The following SOX5 variants were observed in gnomAD, a reference collection of about 807,000 sequenced individuals.
SOX5 encodes SRY-box transcription factor 5, also known as transcription factor SOX-5.
SOX5 carries 9 observed loss-of-function variants against 92.0 expected under a neutral mutation model. That is an observed-to-expected ratio of 0.10 (90% CI 0.06 to 0.17). The LOEUF is 0.17. Ranked by LOEUF, SOX5 falls within the 10% of genes least tolerant of loss-of-function variation. The probability of loss-of-function intolerance (pLI) is 1.00; values close to 1 mark genes in which losing one functional copy is unlikely to be tolerated. For missense variants in SOX5, 642 were observed against 944.5 expected (o/e 0.68, Z 4.20); for synonymous variants, 344 against 336.3 (o/e 1.02, Z -0.25).
At chr12:24,071,741 T>C (rs1941818655) in intron 4 of SOX5, among the ~76,000 whole-genome samples, 1 of 152,184 alleles carries the variant, frequency 6.6e-6, no homozygotes, top group Admixed American at 6.5e-5. Flanking sequence ...TCAAGCCTTG[T>C]TTTTTAATCC....
At chr12:23,875,054 T>C (rs1312755574) in intron 2 of SOX5, among the ~76,000 whole-genome samples, 2 of 152,184 alleles carry the variant, frequency 1.3e-5, no homozygotes, top group Admixed American at 6.5e-5. Context: ...TGGCCCAAGG[T>C]TATGACCACA....
intron 2 of SOX5, among the ~76,000 whole-genome samples, chr12:23,887,242 G>C (rs2097077643): frequency 6.6e-6 from 1 of 152,080 alleles, no homozygotes; most frequent in African/African-American, 2.4e-5. Flanking sequence ...GAGCACAATG[G>C]TGCTGATTCT....
At chr12:23,706,600 T>C (rs992564667) in intron 6 of SOX5, among the ~76,000 whole-genome samples, 2 of 152,060 alleles carry the variant, frequency 1.3e-5, no homozygotes, top group African/African-American at 4.8e-5. Flanking sequence ...TGAAAAATCA[T>C]GGTGAATATT....
chr12:24,366,754 C>T (rs548208663), intron 2 of SOX5, among the ~76,000 whole-genome samples: 28 of 152,010 alleles, frequency 1.8e-4, no homozygotes, highest in Non-Finnish European at 4.0e-4. Context: ...GACTGCAGTC[C>T]CTCCTACCTG....
At chr12:23,646,344 T>C (rs73073805) in intron 7 of SOX5, among the ~76,000 whole-genome samples, 10,798 of 152,200 alleles carry the variant, frequency 0.071, 506 homozygotes, top group Non-Finnish European at 0.1. Flanking sequence ...CCAGCTAATT[T>C]TTTGTAAAGG....
intron 6 of SOX5, among the ~76,000 whole-genome samples, chr12:23,715,443 C>T (rs561380194): frequency 3.3e-5 from 5 of 152,076 alleles, no homozygotes; most frequent in Non-Finnish European, 2.9e-5. Flanking sequence ...AATAGAGAAA[C>T]TTAATGTTTA....
chr12:23,598,827 T>C (rs1044319261), intron 9 of SOX5, among the ~76,000 whole-genome samples: 2 of 152,184 alleles, frequency 1.3e-5, no homozygotes, highest in African/African-American at 2.4e-5. Context: ...TCTGCCTTTT[T>C]CCCCACTTGG....
At chr12:24,059,453 G>GT (rs1393697151) in intron 4 of SOX5, among the ~76,000 whole-genome samples, 12 of 152,224 alleles carry the variant, frequency 7.9e-5, no homozygotes, top group Non-Finnish European at 1.3e-4. Flanking sequence ...CCAAGGTTTG[G>GT]TTTTTTTAAT....
At chr12:23,715,126 C>T (rs2092389501) in intron 6 of SOX5, among the ~76,000 whole-genome samples, 1 of 151,870 alleles carries the variant, frequency 6.6e-6, no homozygotes, top group Non-Finnish European at 1.5e-5. Context: ...TGTGAAACCC[C>T]GTCTCTACTA....
At chr12:24,007,160 T>C (rs375267378) in intron 4 of SOX5, among the ~76,000 whole-genome samples, 388 of 16,946 alleles carry the variant, frequency 0.023, 83 homozygotes, top group African/African-American at 0.048. Context: ...TATATATATA[T>C]ACATTTATAT....
intron 1 of SOX5, among the ~76,000 whole-genome samples, chr12:24,403,677 CAACAGTCTACTT>C (rs1962268244): frequency 6.6e-6 from 1 of 152,200 alleles, no homozygotes; most frequent in Non-Finnish European, 1.5e-5. Flanking sequence ...TTTACATGGC[CAACAGTCTACTT>C]TACTTAAAAT....
intron 2 of SOX5, among the ~76,000 whole-genome samples, chr12:23,855,844 T>C (rs567185151): frequency 2.6e-5 from 4 of 152,260 alleles, no homozygotes; most frequent in African/African-American, 9.6e-5. Context: ...GCTAATTTCA[T>C]AGCCTAAAAT....
At chr12:24,270,143 C>A (rs1482528233) in intron 3 of SOX5, among the ~76,000 whole-genome samples, 1 of 152,012 alleles carries the variant, frequency 6.6e-6, no homozygotes, top group Non-Finnish European at 1.5e-5. Flanking sequence ...CTCACTGCAA[C>A]CTCCACCTCC....
intron 2 of SOX5, among the ~76,000 whole-genome samples, chr12:24,286,769 T>C (rs1199661956): frequency 1.3e-5 from 2 of 152,176 alleles, no homozygotes; most frequent in African/African-American, 4.8e-5. Flanking sequence ...TATCCAGCAA[T>C]GGCATAAACT....
chr12:24,180,575 AGTGCCCCTTT>A (rs1955379993), intron 4 of SOX5, among the ~76,000 whole-genome samples: 1 of 152,186 alleles, frequency 6.6e-6, no homozygotes, highest in Non-Finnish European at 1.5e-5. Flanking sequence ...TGGGGTATGC[AGTGCCCCTTT>A]TATAACTGTC....
intron 4 of SOX5, among the ~76,000 whole-genome samples, chr12:24,194,309 C>T (rs891793661): frequency 1.3e-5 from 2 of 152,018 alleles, no homozygotes; most frequent in Admixed American, 1.3e-4. Flanking sequence ...ATTTAGAGAA[C>T]CTATTATCTG....
intron 6 of SOX5, among the ~76,000 whole-genome samples, chr12:23,723,434 G>A (rs1411163877): frequency 6.6e-6 from 1 of 151,940 alleles, no homozygotes; most frequent in African/African-American, 2.4e-5. Flanking sequence ...AAGAAATCAC[G>A]AGTGGCTATG....
chr12:23,734,949 T>A (rs1413994045), intron 5 of SOX5, among the ~76,000 whole-genome samples, 197 bp from the exon 6 acceptor site: 1 of 152,208 alleles, frequency 6.6e-6, no homozygotes. Context: ...CAGTTATGTT[T>A]CTTTTGGCCT....
At chr12:24,093,522 CAA>C (rs747562605) in intron 4 of SOX5, among the ~76,000 whole-genome samples, 2 of 118,842 alleles carry the variant, frequency 1.7e-5, no homozygotes, top group African/African-American at 3.1e-5. Context: ...GACTCCGTCT[CAA>C]AAAAAAAAAA....
Sources: allele counts gnomAD v4.1 joint callset (sites outside exome capture counted in the v4.1 genomes callset), GRCh38; gene constraint gnomAD v4.1.1; transcripts MANE v1.5; gene names NCBI Gene and HGNC (gene_info 2026-07-23, HGNC 2026-07-21).